Variants in MACROD2 observed in about 807,000 individuals in gnomAD.
MACROD2 encodes the protein mono-ADP ribosylhydrolase 2.
MACROD2 carries 36 observed loss-of-function variants against 70.4 expected under a neutral mutation model. That is an observed-to-expected ratio of 0.51 (90% CI 0.39 to 0.68). The LOEUF (loss-of-function observed/expected upper bound fraction) is 0.68. Among genes scored for constraint, MACROD2 ranks in the 30% least tolerant of loss-of-function variants. The pLI, the probability that MACROD2 is intolerant of heterozygous loss-of-function variation, is 0.00. For missense variants in MACROD2, 496 were observed against 538.4 expected, an observed-to-expected ratio of 0.92 and a Z score of 0.78; for synonymous variants, 172 against 178.8, an observed-to-expected ratio of 0.96 and a Z score of 0.30.
intron 3 of MACROD2, among the ~76,000 whole-genome samples, chr20:14,173,014 G>A (rs1046434444): frequency 1.5e-4 from 23 of 152,194 alleles, no homozygotes; most frequent in African/African-American, 5.6e-4. Context: ...GAAATCTGCT[G>A]TTAATCTGGT....
chr20:15,146,543 A>G lies in MACROD2; in HGVS notation c.419-83397A>G, dbSNP rs1398765231. On this transcript the variant is annotated intron_variant, in intron 5 of 17. Coordinates refer to ENST00000684519, the MANE Select transcript of MACROD2 (RefSeq NM_001351661.2). Reference sequence around the variant, plus strand: ...TCACCCAAAGTAGCACAATTAGAGCAGGGCGTAGTAGAGCAAGATCTCCTC... The same window carrying G: ...TCACCCAAAGTAGCACAATTAGAGCGGGGCGTAGTAGAGCAAGATCTCCTC... Among the ~76,000 whole-genome samples the G allele has an allele frequency of 2.0e-5, 3 of 152,152 alleles. No individual in the cohort carries two copies. In the East Asian group the frequency reaches 5.8e-4, roughly 29 times the overall value.
At chr20:14,882,590 C>T (rs1392043747) in intron 5 of MACROD2, among the ~76,000 whole-genome samples, 1 of 152,150 alleles carries the variant, frequency 6.6e-6, no homozygotes, top group Non-Finnish European at 1.5e-5. Flanking sequence ...TCTCTTTGCT[C>T]CTTCCAATAA....
At chr20:14,126,549 TGG>T (rs1484751643) in intron 3 of MACROD2, among the ~76,000 whole-genome samples, 286 of 152,330 alleles carry the variant, frequency 1.9e-3, no homozygotes, top group African/African-American at 6.3e-3. Flanking sequence ...TAAAGGTTTG[TGG>T]TAACCCTGTG....
chr20:15,466,415 G>C (rs145034690), intron 7 of MACROD2, among the ~76,000 whole-genome samples: 15 of 152,340 alleles, frequency 9.8e-5, no homozygotes, highest in African/African-American at 3.6e-4. Flanking sequence ...ATGGGGCAAA[G>C]GCTGGTAAAA....
At chr20:15,318,413 C>T (rs986845621) in intron 6 of MACROD2, among the ~76,000 whole-genome samples, 1 of 152,074 alleles carries the variant, frequency 6.6e-6, no homozygotes, top group Admixed American at 6.6e-5. Context: ...CAATTAACAG[C>T]AATCCTTCTC....
chr20:15,455,790 T>A (rs1350314541), intron 7 of MACROD2, among the ~76,000 whole-genome samples: 1 of 152,160 alleles, frequency 6.6e-6, no homozygotes, highest in African/African-American at 2.4e-5. Flanking sequence ...TGCTCGGTTT[T>A]CCTACATGGA....
Position 14,642,422 on chromosome 20 carries a change from C to T in MACROD2, c.302-42421C>T, listed in dbSNP as rs74698863. On this transcript the variant is annotated intron_variant, in intron 4 of 17. Coordinates refer to ENST00000684519, the MANE Select transcript of MACROD2 (RefSeq NM_001351661.2). The stretch of plus-strand genomic sequence containing the variant: ...TAATTTCCTTCAGGAACTTTTCCTT[C>T]GCATTCACATCATGGGTAACTATTT... 7.9e-3 allele frequency among the ~76,000 whole-genome samples: 1,206 copies of T among 152,220 alleles called. 15 individuals are homozygous for T. The highest frequency in any genetic ancestry group is 0.06 in the East Asian group (309 of 5,172).
chr20:14,407,311 G>A (rs569641426), intron 3 of MACROD2, among the ~76,000 whole-genome samples: 118 of 151,780 alleles, frequency 7.8e-4, no homozygotes, highest in African/African-American at 2.6e-3. Flanking sequence ...CCTCCCCCTG[G>A]CATCTCCTTG....
At chr20:14,073,377 A>T (rs1240433239) in intron 2 of MACROD2, among the ~76,000 whole-genome samples, 1 of 152,176 alleles carries the variant, frequency 6.6e-6, no homozygotes, top group Non-Finnish European at 1.5e-5. Flanking sequence ...ATATAAAATG[A>T]GCACTTATCA....
intron 5 of MACROD2, among the ~76,000 whole-genome samples, chr20:14,855,597 G>A (rs892438366): frequency 1.3e-5 from 1 of 77,242 alleles, no homozygotes. Flanking sequence ...ATCCTACCAA[G>A]TTTTTTTTTT....
intron 4 of MACROD2, among the ~76,000 whole-genome samples, chr20:14,666,110 A>C (rs1300455941): frequency 6.6e-6 from 1 of 152,082 alleles, no homozygotes; most frequent in African/African-American, 2.4e-5. Context: ...ACTCTGCTGA[A>C]ATCTCAGCCT....
At chr20:15,856,895 G>A (rs2147155474) in intron 8 of MACROD2, among the ~76,000 whole-genome samples, 1 of 152,304 alleles carries the variant, frequency 6.6e-6, no homozygotes, top group Non-Finnish European at 1.5e-5. Flanking sequence ...CCAAGAAGAT[G>A]GGCCGGGACC....
intron 9 of MACROD2, among the ~76,000 whole-genome samples, chr20:15,864,214 T>C (rs554334668): frequency 2.6e-5 from 4 of 152,222 alleles, no homozygotes; most frequent in Non-Finnish European, 1.5e-5. Context: ...CTTGCCTTAA[T>C]CTGATGACTT....
At chr20:14,797,906 G>A (rs913604236) in intron 5 of MACROD2, among the ~76,000 whole-genome samples, 2 of 152,034 alleles carry the variant, frequency 1.3e-5, no homozygotes, top group African/African-American at 4.8e-5. Context: ...AGAGGACTGC[G>A]GAGAAACATA....
rs574570611 is a variant in MACROD2, at chr20:16,046,136, G to A, written c.1300+1497G>A. Among the ~76,000 whole-genome samples the A allele has an allele frequency of 2.1e-4, 32 of 152,190 alleles. 1 individual carries two copies. The highest frequency in any genetic ancestry group is 7.5e-4 in the African/African-American group (31 of 41,546). ...ATGGTTCTCTACACTTTCCTAAGAGGCTTGGCTTTACCACTCTTGTGCTCC... is the reference window on the plus strand; with the variant it reads ...ATGGTTCTCTACACTTTCCTAAGAGACTTGGCTTTACCACTCTTGTGCTCC... On this transcript the variant is annotated intron_variant, in intron 17 of 17. Coordinates refer to ENST00000684519, the MANE Select transcript of MACROD2 (RefSeq NM_001351661.2).
At chr20:15,898,752 C>T (rs2065015009) in intron 10 of MACROD2, among the ~76,000 whole-genome samples, 1 of 151,856 alleles carries the variant, frequency 6.6e-6, no homozygotes, top group Non-Finnish European at 1.5e-5. Context: ...TCAGTGCCTG[C>T]TTAGAACTCT....
intron 5 of MACROD2, among the ~76,000 whole-genome samples, chr20:14,859,002 G>A (rs890389677): frequency 1.3e-5 from 2 of 152,110 alleles, no homozygotes; most frequent in African/African-American, 2.4e-5. Context: ...CTTCCATGCA[G>A]TGCCATCTAA....
rs376643463 is a variant in MACROD2, at chr20:14,167,288, C to T, written c.271+81560C>T. Among the ~76,000 whole-genome samples the T allele has an allele frequency of 3.8e-3, 583 of 152,150 alleles. 3 individuals are homozygous for T. The highest frequency in any genetic ancestry group is 0.012 in the South Asian group (56 of 4,822). ...CTATGTTATTTATTTCAAGTTTTCT[C>T]ATTTTTTTCACATGATTATATGCTT... On this transcript the variant is annotated intron_variant, in intron 3 of 17. Transcript: ENST00000684519.
chr20:15,790,249 C>A (rs2063611716), intron 8 of MACROD2, among the ~76,000 whole-genome samples: 1 of 151,518 alleles, frequency 6.6e-6, no homozygotes, highest in Non-Finnish European at 1.5e-5. Flanking sequence ...TGTCATTAAT[C>A]AAGAATATGT....
Sources: gnomAD v4.1 joint callset for allele counts (sites outside exome capture counted in the v4.1 genomes callset) on GRCh38, gnomAD v4.1.1 for gene constraint, MANE v1.5 for transcripts, NCBI Gene and HGNC (gene_info 2026-07-23, HGNC 2026-07-21) for gene names.